Variants in MUCL3 observed in about 807,000 individuals in gnomAD.
The protein encoded by MUCL3 is mucin like 3.
A neutral mutation model predicts 70.2 loss-of-function variants in MUCL3; 42 were observed. The observed-to-expected ratio is 0.60, with a 90% confidence interval of 0.47 to 0.77. MUCL3 has a LOEUF of 0.77. Ranked by LOEUF, MUCL3 falls within the 30% of genes least tolerant of loss-of-function variation. The pLI, the probability that MUCL3 is intolerant of heterozygous loss-of-function variation, is 0.00. For synonymous variants in MUCL3, 522 were observed against 647.0 expected, an observed-to-expected ratio of 0.81 and a Z score of 2.93; for missense variants, 1,429 against 1,670.0, an observed-to-expected ratio of 0.86 and a Z score of 2.52.
At chr6:30,945,712 T>C (rs1393851677) in intron 1 of MUCL3, among the ~76,000 whole-genome samples, 1 of 151,778 alleles carries the variant, frequency 6.6e-6, no homozygotes, top group Non-Finnish European at 1.5e-5. Flanking sequence ...CCCAGCACTT[T>C]GGGAGGCTGA....
intron 1 of MUCL3, chr6:30,946,477 A>G (rs1209140747): frequency 6.6e-6 from 1 of 152,226 alleles, no homozygotes; most frequent in Non-Finnish European, 1.5e-5. Flanking sequence ...TATTCACTCA[A>G]TAGATAGTCA....
At chr6:30,945,202 T>A (rs991090655) in intron 1 of MUCL3, among the ~76,000 whole-genome samples, 4 of 152,380 alleles carry the variant, frequency 2.6e-5, no homozygotes, top group Non-Finnish European at 5.9e-5. Context: ...TGAAATGTTG[T>A]TGGCAAGGCT....
Position 30,950,255 on chromosome 6 carries a change from CT to C in MUCL3, c.1792del (p.Ser598GlnfsTer50). The C allele has an allele frequency of 6.5e-7, 1 of 1,550,312 alleles. No homozygotes were observed. The highest frequency in any genetic ancestry group is 8.7e-7 in the Non-Finnish European group (1 of 1,146,850). ...PFANEKTTSSSAEPTEHEERT... is the reference protein window; with the variant it reads ...PFANEKTTSSXAEPTEHEERT... ...TTGCCAATGAGAAGACCACATCATC[CT>C]CAGCAGAGCCTACAGAACACGAAGA... On this transcript the variant is annotated frameshift_variant, in exon 2 of 3. Coordinates refer to ENST00000462446, the MANE Select transcript of MUCL3 (RefSeq NM_080870.4). LOFTEE classifies it high-confidence loss of function.
At position 30,944,280 on chromosome 6, in the gene MUCL3, GTCTC is replaced by G. The variant is rs71732848; in HGVS notation, c.82+3203_82+3206del. 0.015 allele frequency among the ~76,000 whole-genome samples: 1,981 copies of G among 129,524 alleles called. 100 individuals are homozygous for G. The East Asian group carries it at 0.19, about 13-fold the overall frequency. 85.0% of individuals were successfully genotyped at this position (129,524 alleles called of 152,430 possible). The stretch of plus-strand genomic sequence containing the variant: ...TCCCTTTCTCTTTCTTTCTTTCTCT[GTCTC>G]TCTTTCTTTCTTCTTTCGACAGAGT... On this transcript the variant is annotated intron_variant, in intron 1 of 2. Coordinates refer to ENST00000462446, the MANE Select transcript of MUCL3 (RefSeq NM_080870.4).
At position 30,953,064 on chromosome 6, in the gene MUCL3, T is replaced by G. The variant is rs1236563347; in HGVS notation, c.4129T>G (p.Tyr1377Asp). 2 of 1,614,250 alleles carry G rather than the reference T, an allele frequency of 1.2e-6. No homozygotes were observed. Among genetic ancestry groups the G allele is most frequent in the Non-Finnish European group, 8.5e-7 (1 of 1,180,038 alleles). Residue 1377 changes from tyrosine (Y) to aspartate (D), a missense_variant, in exon 3 of 3, where the codon TAC (tyrosine) becomes GAC (aspartate). By Grantham distance (160) the Tyr-to-Asp change is radical. Coordinates refer to ENST00000462446, the MANE Select transcript of MUCL3 (RefSeq NM_080870.4). ...DEGGPNSYPV[Y>D]LMEQQNLGMG... ...GGGTGGCCCCAATTCCTACCCGGTC[T>G]ACCTGATGGAGCAGCAGAATCTTGG...
At chr6:30,941,632 T>A (rs1795585613) in intron 1 of MUCL3, among the ~76,000 whole-genome samples, 1 of 151,822 alleles carries the variant, frequency 6.6e-6, no homozygotes, top group Non-Finnish European at 1.5e-5. Context: ...GCTCATTTTT[T>A]TGTATTTTTA....
At position 30,953,794 on chromosome 6, in the gene MUCL3, T is replaced by C. The variant is rs1381140737; in HGVS notation, c.*677T>C. The C allele has an allele frequency of 6.6e-6, 1 of 152,308 alleles. No homozygotes were observed. Among genetic ancestry groups the C allele is most frequent in the Non-Finnish European group, 1.5e-5 (1 of 68,070 alleles). The allele number at this position is 152,308 out of a possible 1,614,324, so 9.4% of individuals were successfully genotyped here. A position where few individuals can be genotyped will look rare whatever the true frequency, so the allele number is the denominator to read the frequency against. ...CCTCTTCCTCCCAAATCCCTTAGTT[T>C]TCCTAAATGTCTACAGTGGACGCCC... On this transcript the variant is annotated 3_prime_UTR_variant, in exon 3 of 3. Transcript: ENST00000462446.
Position 30,952,132 on chromosome 6 carries a change from A to G in MUCL3, c.3668A>G (p.Lys1223Arg), listed in dbSNP as rs779602439. The G allele has an allele frequency of 1.2e-5, 19 of 1,613,006 alleles. No individual in the cohort carries two copies. Among genetic ancestry groups the G allele is most frequent in the Non-Finnish European group, 1.6e-5 (19 of 1,179,756 alleles). ...GNTTLTTETI[K>R]APVKSTENPE... ...ACCACACTGACCACTGAGACCATAAAAGCCCCAGTAAAGTCCACAGAAAAC... is the reference window on the plus strand; with the variant it reads ...ACCACACTGACCACTGAGACCATAAGAGCCCCAGTAAAGTCCACAGAAAAC... Residue 1223 changes from lysine to arginine, a missense_variant, in exon 2 of 3, where the codon AAA (lysine) becomes AGA (arginine). Physicochemically the swap from Lys to Arg is conservative, Grantham distance 26. Transcript: ENST00000462446.
At position 30,952,142 on chromosome 6, in the gene MUCL3, A is replaced by G. The variant is rs767132860; in HGVS notation, c.3678A>G (p.Val1226=). The G allele has an allele frequency of 4.3e-6, 7 of 1,613,904 alleles. No homozygotes were observed. The South Asian group carries it at 6.6e-5, about 15-fold the overall frequency. ...TLTTETIKAP[V]KSTENPEKTA... ...CCACTGAGACCATAAAAGCCCCAGT[A>G]AAGTCCACAGAAAACCCAGAAAAAA... is the stretch of plus-strand genomic sequence containing the variant. Residue 1226 remains valine, a synonymous_variant, in exon 2 of 3, where the codon GTA becomes GTG. Transcript: ENST00000462446.
At chr6:30,943,858 CT>C (rs202030984) in intron 1 of MUCL3, among the ~76,000 whole-genome samples, 3,703 of 145,428 alleles carry the variant, frequency 0.025, 63 homozygotes, top group East Asian at 0.071. Flanking sequence ...TTTAGCTTTC[CT>C]TTTTTTTTTT....
chr6:30,941,452 TTCTTC>T (rs1385058256), intron 1 of MUCL3, among the ~76,000 whole-genome samples: 3 of 106,546 alleles, frequency 2.8e-5, no homozygotes, highest in Non-Finnish European at 5.6e-5. Flanking sequence ...CTTCTTCTTC[TTCTTC>T]TTTTTTTTTT....
At chr6:30,943,874 G>C (rs1324121829) in intron 1 of MUCL3, among the ~76,000 whole-genome samples, 1 of 146,688 alleles carries the variant, frequency 6.8e-6, no homozygotes, top group Non-Finnish European at 1.5e-5. Context: ...TTTTTTTGTA[G>C]AGACAGGTCT....
chr6:30,949,131 A>C lies in MUCL3; in HGVS notation c.667A>C (p.Thr223Pro). The C allele has an allele frequency of 6.4e-7, 1 of 1,551,432 alleles. No individual in the cohort carries two copies. The highest frequency in any genetic ancestry group is 8.7e-7 in the Non-Finnish European group (1 of 1,146,940). ...CAATTCACAGACCAAGCAAAAAAGC[A>C]CATCTTTTCCAGAAAAAATCACAGC... ...SGNSQTKQKSTSFPEKITAAS... is the reference protein window; with the variant it reads ...SGNSQTKQKSPSFPEKITAAS... The change falls in exon 2 of 3, where the codon ACA (threonine) becomes CCA (proline). Residue 223 changes from threonine to proline, a missense_variant. Thr to Pro is a conservative substitution (Grantham distance 38). Transcript: ENST00000462446.
At chr6:30,941,579 T>A (rs1795580550) in intron 1 of MUCL3, among the ~76,000 whole-genome samples, 1 of 150,972 alleles carries the variant, frequency 6.6e-6, no homozygotes, top group Non-Finnish European at 1.5e-5. Flanking sequence ...TCTGCCTCAG[T>A]CTCCTGGGTA....
rs905897605 is a variant in MUCL3, at chr6:30,950,348, G to A, written c.1884G>A (p.Arg628=). ...CAGAGCCTACAGAAAATAGAGAAAGGACAGCCAATGAGAACACCACACCAT... is the reference window on the plus strand; with the variant it reads ...CAGAGCCTACAGAAAATAGAGAAAGAACAGCCAATGAGAACACCACACCAT... ...SPAEPTENRE[R]TANENTTPSP... Residue 628 remains arginine (R), a synonymous_variant, in exon 2 of 3, where the codon AGG becomes AGA. Coordinates refer to ENST00000462446, the MANE Select transcript of MUCL3 (RefSeq NM_080870.4). 15 of 1,543,736 alleles carry A rather than the reference G, an allele frequency of 9.7e-6. No individual in the cohort carries two copies. The highest frequency in any genetic ancestry group is 2.9e-5 in the African/African-American group (2 of 70,030).
chr6:30,941,858 TCA>T (rs1168212092), intron 1 of MUCL3, among the ~76,000 whole-genome samples: 2 of 152,122 alleles, frequency 1.3e-5, no homozygotes, highest in Non-Finnish European at 2.9e-5. Context: ...GTCCCATATC[TCA>T]CAGCTAGAGG....
At chr6:30,945,135 T>C (rs1232694937) in intron 1 of MUCL3, among the ~76,000 whole-genome samples, 2 of 152,254 alleles carry the variant, frequency 1.3e-5, no homozygotes, top group Non-Finnish European at 2.9e-5. Context: ...AAGTCGCCCT[T>C]GGTCTTCCAG....
In MUCL3 at chr6:30,953,340, G is replaced by C; in HGVS notation, c.*223G>C. ...AAAGAAGAAAGAATGAATAATACGA[G>C]CAGACATTCTCTGTAGAAGGTAATG... On this transcript the variant is annotated 3_prime_UTR_variant, in exon 3 of 3. Transcript: ENST00000462446. 1.6e-6 allele frequency: 1 copy of C among 633,136 alleles called. No homozygotes were observed. The highest frequency in any genetic ancestry group is 3.1e-5 in the Admixed American group (1 of 32,504). 39.2% of individuals were successfully genotyped at this position (633,136 alleles called of 1,614,324 possible).
chr6:30,953,980 C>T lies in MUCL3; in HGVS notation c.*863C>T, dbSNP rs1428603176. ...CCAAAAGCCAGCTGTAGCTTTATCT[C>T]GTAAAAGTTACCCATCTTCTCTACT... On this transcript the variant is annotated 3_prime_UTR_variant, in exon 3 of 3. Coordinates refer to ENST00000462446, the MANE Select transcript of MUCL3 (RefSeq NM_080870.4). 1 of 152,256 alleles carries T rather than the reference C, an allele frequency of 6.6e-6. No individual in the cohort carries two copies. Among genetic ancestry groups the T allele is most frequent in the African/African-American group, 2.4e-5 (1 of 41,418 alleles). The allele number at this position is 152,256 out of a possible 1,614,324, so 9.4% of individuals were successfully genotyped here.
Sources: allele counts gnomAD v4.1 joint callset (sites outside exome capture counted in the v4.1 genomes callset), GRCh38; gene constraint gnomAD v4.1.1; transcripts MANE v1.5; gene names NCBI Gene and HGNC (gene_info 2026-07-23, HGNC 2026-07-21).